Variants in OR2L13 observed in about 807,000 individuals in gnomAD.
OR2L13 encodes the protein olfactory receptor 2L13.
In OR2L13, 14 loss-of-function variants were observed where a neutral mutation model predicts 15.3. The ratio of observed to expected loss-of-function variants is 0.91; its 90% confidence interval spans 0.60 to 1.43. The LOEUF (loss-of-function observed/expected upper bound fraction) is 1.43, where lower values mean the gene tolerates loss of function less well. Among genes scored for constraint, OR2L13 ranks in the 40% most tolerant of loss-of-function variants. The pLI is 0.00. For synonymous variants in OR2L13, 152 were observed against 142.9 expected, an observed-to-expected ratio of 1.06 and a Z score of -0.45; for missense variants, 367 against 387.9, an observed-to-expected ratio of 0.95 and a Z score of 0.45.
At chr1:247,996,754 TA>T in the OR2L13 span, among the ~76,000 whole-genome samples, 9 of 152,300 alleles carry the variant, frequency 5.9e-5, no homozygotes, top group African/African-American at 1.9e-4. Context: ...TCAGCACAAA[TA>T]GGTTTTGTCA....
the OR2L13 span, among the ~76,000 whole-genome samples, chr1:248,036,038 G>A: frequency 6.6e-6 from 1 of 152,002 alleles, no homozygotes; most frequent in South Asian, 2.1e-4. Flanking sequence ...GAATTTTCAT[G>A]AAATATTTTA....
the OR2L13 span, among the ~76,000 whole-genome samples, chr1:248,076,326 G>A: frequency 9.2e-5 from 14 of 152,138 alleles, no homozygotes; most frequent in Admixed American, 8.5e-4. Context: ...TCTTGGCAAT[G>A]TGGGCTCTTT....
chr1:248,072,523 C>T, the OR2L13 span, among the ~76,000 whole-genome samples: 1 of 151,904 alleles, frequency 6.6e-6, no homozygotes, highest in Non-Finnish European at 1.5e-5. Context: ...CCATAAAAAC[C>T]CTAGAAGAAA....
At chr1:248,006,525 G>A in the OR2L13 span, among the ~76,000 whole-genome samples, 10 of 152,030 alleles carry the variant, frequency 6.6e-5, no homozygotes, top group Admixed American at 3.3e-4. Flanking sequence ...AACCAATCCC[G>A]AGAAGGATGG....
chr1:248,003,585 C>A, the OR2L13 span: 1 of 1,612,092 alleles, frequency 6.2e-7, no homozygotes, highest in Non-Finnish European at 8.5e-7. Flanking sequence ...ATCATAGGCT[C>A]GATCAATGCT....
the OR2L13 span, among the ~76,000 whole-genome samples, chr1:248,004,330 G>A: frequency 6.6e-6 from 1 of 152,168 alleles, no homozygotes; most frequent in Non-Finnish European, 1.5e-5. Context: ...TTTGTTTTTA[G>A]TTATGCAGAA....
At chr1:248,090,110 GC>G in the OR2L13 span, among the ~76,000 whole-genome samples, 2 of 151,960 alleles carry the variant, frequency 1.3e-5, no homozygotes, top group Non-Finnish European at 2.9e-5. Context: ...CTCCTTGCTT[GC>G]CCCCCTGTAA....
the OR2L13 span, among the ~76,000 whole-genome samples, chr1:248,066,401 T>G: frequency 7.6e-4 from 115 of 152,316 alleles, no homozygotes; most frequent in African/African-American, 2.7e-3. Context: ...TTTTGTAAGA[T>G]TTACCTCAAC....
At chr1:248,087,318 A>G in the OR2L13 span, among the ~76,000 whole-genome samples, 1,415 of 152,222 alleles carry the variant, frequency 9.3e-3, 28 homozygotes, top group African/African-American at 0.032. Context: ...TTTTCAAAAC[A>G]CCCTGTGGAT....
the OR2L13 span, among the ~76,000 whole-genome samples, chr1:247,970,804 T>G: frequency 0.017 from 2,597 of 152,224 alleles, 32 homozygotes; most frequent in Non-Finnish European, 0.027. Flanking sequence ...CAGGCTCTGG[T>G]GTAAGAGCTA....
At chr1:247,967,634 T>C in the OR2L13 span, among the ~76,000 whole-genome samples, 4 of 152,176 alleles carry the variant, frequency 2.6e-5, no homozygotes, top group Non-Finnish European at 4.4e-5. Flanking sequence ...TTATTTTTTA[T>C]TTAATCAATT....
the OR2L13 span, among the ~76,000 whole-genome samples, chr1:247,967,420 GT>G: frequency 2.0e-5 from 3 of 151,992 alleles, no homozygotes; most frequent in Non-Finnish European, 4.4e-5. Flanking sequence ...GTAGAGACTG[GT>G]TTTCACCATG....
chr1:248,073,901 G>A, the OR2L13 span, among the ~76,000 whole-genome samples: 2 of 151,678 alleles, frequency 1.3e-5, no homozygotes, highest in Non-Finnish European at 2.9e-5. Flanking sequence ...AAGTAAGATG[G>A]CATCTTTTAA....
intron 1 of OR2L13, 81 bp from the exon 2 acceptor site, chr1:248,098,570 C>T (rs1439016115): frequency 6.6e-6 from 1 of 152,008 alleles, no homozygotes; most frequent in East Asian, 1.9e-4. Context: ...TTCATGCTAC[C>T]CAAGGTTATA....
chr1:247,985,697 A>G, the OR2L13 span, among the ~76,000 whole-genome samples: 1 of 152,118 alleles, frequency 6.6e-6, no homozygotes, highest in East Asian at 1.9e-4. Flanking sequence ...TGACTTCCAC[A>G]ATGGTTGAAC....
chr1:248,099,365 A>C, exon 3 of OR2L13: 1 of 1,574,222 alleles, frequency 6.4e-7, no homozygotes, highest in South Asian at 1.1e-5. Flanking sequence ...CAGTTACAGC[A>C]GAAAGTTTTC....
chr1:248,029,692 T>G, the OR2L13 span, among the ~76,000 whole-genome samples: 1 of 152,194 alleles, frequency 6.6e-6, no homozygotes, highest in Non-Finnish European at 1.5e-5. Flanking sequence ...GTGGCTTAAA[T>G]CTTGTTGCCA....
chr1:248,094,077 C>A (rs1212228743), upstream of OR2L13, among the ~76,000 whole-genome samples: 1 of 151,974 alleles, frequency 6.6e-6, no homozygotes, highest in Admixed American at 6.6e-5. Flanking sequence ...TGGAACATTT[C>A]TAACAGAAAA....
intron 1 of OR2L13, among the ~76,000 whole-genome samples, chr1:248,098,356 T>C (rs1220707349): frequency 6.6e-6 from 1 of 152,170 alleles, no homozygotes; most frequent in Non-Finnish European, 1.5e-5. Context: ...TAATGATGGT[T>C]TTCATGTTTT....
Sources: allele counts gnomAD v4.1 joint callset (sites outside exome capture counted in the v4.1 genomes callset), GRCh38; gene constraint gnomAD v4.1.1; transcripts MANE v1.5; gene names NCBI Gene and HGNC (gene_info 2026-07-23, HGNC 2026-07-21).